Variants in CNTNAP2 observed in about 807,000 individuals in gnomAD.
CNTNAP2 encodes the protein contactin-associated protein-like 2.
Under a neutral mutation model 155.2 loss-of-function variants are expected in CNTNAP2, and 98 were observed. That is an observed-to-expected ratio of 0.63 (90% confidence interval 0.54 to 0.75). CNTNAP2 has a LOEUF of 0.75. Among genes scored for constraint, CNTNAP2 ranks in the 30% least tolerant of loss-of-function variants. The pLI is 0.00. For synonymous variants in CNTNAP2, 651 were observed against 631.2 expected (o/e 1.03, Z -0.47); for missense variants, 1,727 against 1,688.1 (o/e 1.02, Z -0.40).
At chr7:146,283,887 A>T (rs1220269878) in intron 1 of CNTNAP2, among the ~76,000 whole-genome samples, 2 of 152,192 alleles carry the variant, frequency 1.3e-5, no homozygotes, top group Admixed American at 6.5e-5. Flanking sequence ...GTGGCTAAAG[A>T]AGATTCTTAA....
chr7:147,592,988 C>A (rs1229711057), intron 12 of CNTNAP2, among the ~76,000 whole-genome samples: 1 of 152,196 alleles, frequency 6.6e-6, no homozygotes, highest in Non-Finnish European at 1.5e-5. Context: ...ACTTGAAAAA[C>A]AAGATTAAAC....
intron 12 of CNTNAP2, among the ~76,000 whole-genome samples, chr7:147,603,672 A>G (rs1304221696): frequency 2.0e-5 from 3 of 152,200 alleles, no homozygotes; most frequent in African/African-American, 7.2e-5. Flanking sequence ...ATTCAATGCC[A>G]TCCCCATCAA....
At position 147,448,326 on chromosome 7, in the gene CNTNAP2, CTA is replaced by C. The variant is rs527695678; in HGVS notation, c.1671-37608_1671-37607del. On this transcript the variant is annotated intron_variant, in intron 10 of 23. Coordinates refer to ENST00000361727, the MANE Select transcript of CNTNAP2 (RefSeq NM_014141.6). ...CCAAATTAAATTTTTAAATTTATAA[CTA>C]GAGAGATTTTTAAAATGTTAGCAGT... 3.3e-4 allele frequency among the ~76,000 whole-genome samples: 50 copies of C among 152,022 alleles called. 1 individual carries two copies. The South Asian group carries it at 7.7e-3, about 23-fold the overall frequency.
chr7:146,704,070 A>G (rs1438777509), intron 1 of CNTNAP2, among the ~76,000 whole-genome samples: 5 of 152,164 alleles, frequency 3.3e-5, no homozygotes, highest in Non-Finnish European at 2.9e-5. Flanking sequence ...ACAAATTAAT[A>G]TAAAAAATGC....
chr7:147,374,652 C>G (rs1796404006), intron 9 of CNTNAP2, among the ~76,000 whole-genome samples: 1 of 151,980 alleles, frequency 6.6e-6, no homozygotes, highest in East Asian at 1.9e-4. Flanking sequence ...TGTTCTACCC[C>G]CAAAGTCTTC....
chr7:146,886,348 C>T (rs1314574973), intron 3 of CNTNAP2, among the ~76,000 whole-genome samples: 2 of 150,638 alleles, frequency 1.3e-5, no homozygotes, highest in Non-Finnish European at 2.9e-5. Context: ...CCAAAATTTG[C>T]CCTCCTACAT....
At chr7:146,262,342 A>G (rs10246142) in intron 1 of CNTNAP2, among the ~76,000 whole-genome samples, 9,738 of 151,670 alleles carry the variant, frequency 0.064, 643 homozygotes, top group African/African-American at 0.17. Context: ...ACGTTAGACA[A>G]CTCCTTTGGT....
intron 13 of CNTNAP2, among the ~76,000 whole-genome samples, chr7:147,886,475 C>CAAA (rs532837902): frequency 1.6e-3 from 62 of 39,724 alleles, no homozygotes; most frequent in African/African-American, 2.2e-3. Context: ...AACTCCATCT[C>CAAA]AAAAAAAAAA....
intron 15 of CNTNAP2, among the ~76,000 whole-genome samples, chr7:148,051,938 G>A (rs55806438): frequency 0.23 from 34,897 of 152,040 alleles, 4,353 homozygotes; most frequent in Middle Eastern, 0.35. Flanking sequence ...AGGAGATGGA[G>A]ACCATCCTGG....
At chr7:147,167,692 G>T (rs1285692935) in intron 8 of CNTNAP2, 2 of 322,814 alleles carry the variant, frequency 6.2e-6, no homozygotes, top group Non-Finnish European at 1.1e-5. Context: ...TGGGGCATGT[G>T]GTTCATCTGT....
chr7:146,371,082 T>C (rs1795226989), intron 1 of CNTNAP2, among the ~76,000 whole-genome samples: 1 of 152,018 alleles, frequency 6.6e-6, no homozygotes, highest in South Asian at 2.1e-4. Context: ...TTTTTTCTCC[T>C]CTTCAATTTT....
At chr7:146,154,330 G>T (rs1211622248) in intron 1 of CNTNAP2, among the ~76,000 whole-genome samples, 1 of 152,032 alleles carries the variant, frequency 6.6e-6, no homozygotes, top group Admixed American at 6.6e-5. Flanking sequence ...TCAGTTTTAT[G>T]CAAGACTTGC....
chr7:146,788,654 T>C (rs940008155), intron 2 of CNTNAP2, among the ~76,000 whole-genome samples: 1 of 152,080 alleles, frequency 6.6e-6, no homozygotes, highest in Non-Finnish European at 1.5e-5. Flanking sequence ...GTATAAGCAC[T>C]TCTCATTGGT....
intron 1 of CNTNAP2, among the ~76,000 whole-genome samples, chr7:146,320,863 A>G (rs1176915700): frequency 6.6e-6 from 1 of 152,184 alleles, no homozygotes; most frequent in Non-Finnish European, 1.5e-5. Flanking sequence ...CAGGGAAAAA[A>G]TGAAATATTG....
At chr7:147,663,368 A>C (rs1795646143) in intron 13 of CNTNAP2, among the ~76,000 whole-genome samples, 1 of 152,252 alleles carries the variant, frequency 6.6e-6, no homozygotes, top group South Asian at 2.1e-4. Flanking sequence ...TGTTAGAAAA[A>C]GATAAATGAA....
chr7:147,302,525 T>C (rs911260604), intron 9 of CNTNAP2, among the ~76,000 whole-genome samples: 3 of 152,234 alleles, frequency 2.0e-5, no homozygotes, highest in Admixed American at 2.0e-4. Context: ...TGTTTTGTTA[T>C]ATCGTCATTA....
intron 8 of CNTNAP2, among the ~76,000 whole-genome samples, chr7:147,272,832 C>G (rs1257638169): frequency 6.6e-6 from 1 of 151,976 alleles, no homozygotes; most frequent in Non-Finnish European, 1.5e-5. Flanking sequence ...TTTAAGCTTC[C>G]TATATACAGT....
chr7:147,124,074 A>G (rs1462562941), intron 6 of CNTNAP2, among the ~76,000 whole-genome samples: 1 of 152,082 alleles, frequency 6.6e-6, no homozygotes, highest in East Asian at 1.9e-4. Flanking sequence ...CAAACACCTC[A>G]CGGACTGTAT....
At chr7:147,264,712 C>A (rs1804568525) in intron 8 of CNTNAP2, among the ~76,000 whole-genome samples, 1 of 151,580 alleles carries the variant, frequency 6.6e-6, no homozygotes, top group Non-Finnish European at 1.5e-5. Context: ...ACAATAACAC[C>A]AAGGTCACAC....
Sources: gnomAD v4.1 joint callset for allele counts (sites outside exome capture counted in the v4.1 genomes callset) on GRCh38, gnomAD v4.1.1 for gene constraint, MANE v1.5 for transcripts, NCBI Gene and HGNC (gene_info 2026-07-23, HGNC 2026-07-21) for gene names.